The following DLGAP1 variants were observed in gnomAD, a reference collection of about 807,000 sequenced individuals.
The protein encoded by DLGAP1 is disks large-associated protein 1.
In DLGAP1, 11 loss-of-function variants were observed where a neutral mutation model predicts 90.8. The ratio of observed to expected loss-of-function variants is 0.12; its 90% confidence interval spans 0.08 to 0.20. The LOEUF (loss-of-function observed/expected upper bound fraction) is 0.20, where lower values mean the gene tolerates loss of function less well. Ranked by LOEUF, DLGAP1 falls within the 10% of genes least tolerant of loss-of-function variation. The probability of loss-of-function intolerance (pLI) is 1.00; values close to 1 mark genes in which losing one functional copy is unlikely to be tolerated. For synonymous variants in DLGAP1, 558 were observed against 540.7 expected, an observed-to-expected ratio of 1.03 and a Z score of -0.44; for missense variants, 1,050 against 1,333.8, an observed-to-expected ratio of 0.79 and a Z score of 3.31.
chr18:3,836,138 G>GATAC (rs2148598203), intron 4 of DLGAP1, among the ~76,000 whole-genome samples: 1 of 152,244 alleles, frequency 6.6e-6, no homozygotes, highest in African/African-American at 2.4e-5. Context: ...AAACTGGGTA[G>GATAC]GTATACAGGA....
At chr18:3,598,252 G>A (rs565811607) in intron 7 of DLGAP1, 1 of 152,354 alleles carries the variant, frequency 6.6e-6, no homozygotes, top group Non-Finnish European at 1.5e-5. Flanking sequence ...TCGGGAGGCT[G>A]AGGCAGGAGA....
At chr18:4,095,456 C>T (rs1027199332) in intron 2 of DLGAP1, among the ~76,000 whole-genome samples, 25 of 152,104 alleles carry the variant, frequency 1.6e-4, no homozygotes, top group African/African-American at 4.6e-4. Context: ...GGAAACAGGA[C>T]AAATTGTACT....
chr18:4,324,329 C>T (rs1349720280), intron 1 of DLGAP1, among the ~76,000 whole-genome samples: 1 of 150,522 alleles, frequency 6.6e-6, no homozygotes, highest in Non-Finnish European at 1.5e-5. Flanking sequence ...AAAATTGAAT[C>T]CTTGAATAGA....
chr18:3,909,059 A>G (rs1404781480), intron 3 of DLGAP1, among the ~76,000 whole-genome samples: 2 of 152,244 alleles, frequency 1.3e-5, no homozygotes, highest in Non-Finnish European at 2.9e-5. Flanking sequence ...ATCACAAGTT[A>G]GAAATGAACT....
At chr18:3,897,931 A>T (rs2071676587) in intron 3 of DLGAP1, among the ~76,000 whole-genome samples, 1 of 151,504 alleles carries the variant, frequency 6.6e-6, no homozygotes, top group Non-Finnish European at 1.5e-5. Context: ...AGTAGCTGGG[A>T]CTACAGGCGC....
chr18:3,871,497 A>G (rs1325753241), intron 4 of DLGAP1, among the ~76,000 whole-genome samples: 1 of 152,208 alleles, frequency 6.6e-6, no homozygotes, highest in Non-Finnish European at 1.5e-5. Context: ...GCAAGCGTAT[A>G]TTAAATTGTG....
chr18:3,625,713 C>T (rs759326726), intron 7 of DLGAP1, among the ~76,000 whole-genome samples: 1 of 151,730 alleles, frequency 6.6e-6, no homozygotes, highest in Non-Finnish European at 1.5e-5. Context: ...CATGTTAGTT[C>T]AGAAAGCATT....
chr18:4,376,762 G>A lies in DLGAP1; in HGVS notation c.-267+78244C>T, dbSNP rs142410815. Among the ~76,000 whole-genome samples, 52 of 152,236 alleles carry A rather than the reference G, an allele frequency of 3.4e-4. 1 individual carries two copies. The East Asian group carries it at 9.3e-3, about 27-fold the overall frequency. ...TTTCTCTCTGTAAATCCTCGGTAGA[G>A]GTGGAATTAATTTTATTTAACAGAT... is the stretch of plus-strand genomic sequence containing the variant. On this transcript the variant is annotated intron_variant, in intron 1 of 12. Transcript: ENST00000315677.
intron 10 of DLGAP1, among the ~76,000 whole-genome samples, chr18:3,510,221 A>C (rs989767678): frequency 2.0e-5 from 3 of 152,230 alleles, no homozygotes; most frequent in Admixed American, 6.5e-5. Flanking sequence ...ACAAGTCACT[A>C]TCTCTACTTT....
chr18:4,142,417 A>G (rs2076509931), intron 2 of DLGAP1, among the ~76,000 whole-genome samples: 1 of 152,190 alleles, frequency 6.6e-6, no homozygotes, highest in Admixed American at 6.5e-5. Flanking sequence ...ACATATCTAT[A>G]TCTGTCTGTA....
intron 7 of DLGAP1, among the ~76,000 whole-genome samples, chr18:3,624,177 C>T (rs920767158): frequency 6.6e-6 from 1 of 152,324 alleles, no homozygotes; most frequent in Admixed American, 6.5e-5. Flanking sequence ...GCCTGTCCAA[C>T]GGTTGGCCTG....
At chr18:3,822,399 G>GC (rs1003907088) in intron 4 of DLGAP1, among the ~76,000 whole-genome samples, 1 of 152,204 alleles carries the variant, frequency 6.6e-6, no homozygotes, top group African/African-American at 2.4e-5. Flanking sequence ...AGGGTACCCA[G>GC]CACCATAGCA....
At chr18:4,390,822 G>C (rs1029186857) in intron 1 of DLGAP1, among the ~76,000 whole-genome samples, 8 of 152,110 alleles carry the variant, frequency 5.3e-5, no homozygotes, top group African/African-American at 1.9e-4. Flanking sequence ...GGCAGTTCTA[G>C]AGGCCCCTGG....
chr18:4,408,539 C>T (rs1281308380), intron 1 of DLGAP1, among the ~76,000 whole-genome samples: 1 of 151,326 alleles, frequency 6.6e-6, no homozygotes, highest in African/African-American at 2.4e-5. Flanking sequence ...ATAAACATGA[C>T]GTTGGTATAA....
intron 7 of DLGAP1, among the ~76,000 whole-genome samples, chr18:3,633,354 G>A (rs2058589708): frequency 6.9e-6 from 1 of 145,668 alleles, no homozygotes; most frequent in African/African-American, 2.6e-5. Flanking sequence ...AGTGAGCTGA[G>A]ATCATGCCAC....
chr18:4,165,381 T>C (rs1249140802), intron 1 of DLGAP1, among the ~76,000 whole-genome samples: 1 of 152,152 alleles, frequency 6.6e-6, no homozygotes, highest in Non-Finnish European at 1.5e-5. Flanking sequence ...TCAGCAAAAC[T>C]GTCTTCAGGA....
At chr18:3,778,213 G>T (rs1469516084) in intron 5 of DLGAP1, among the ~76,000 whole-genome samples, 1 of 152,162 alleles carries the variant, frequency 6.6e-6, no homozygotes. Flanking sequence ...GGCAGAGGAG[G>T]GTGGATCACC....
At chr18:4,020,765 G>A (rs895579646) in intron 2 of DLGAP1, among the ~76,000 whole-genome samples, 2 of 152,136 alleles carry the variant, frequency 1.3e-5, no homozygotes, top group African/African-American at 4.8e-5. Context: ...GGCCTTTGTA[G>A]GACTAAGAAA....
intron 7 of DLGAP1, among the ~76,000 whole-genome samples, chr18:3,698,580 T>C (rs1033935046): frequency 1.3e-5 from 2 of 152,160 alleles, no homozygotes; most frequent in African/African-American, 4.8e-5. Flanking sequence ...GGCTTCCCTT[T>C]GTGGGTAACC....
Sources: gnomAD v4.1 joint callset for allele counts (sites outside exome capture counted in the v4.1 genomes callset) on GRCh38, gnomAD v4.1.1 for gene constraint, MANE v1.5 for transcripts, NCBI Gene and HGNC (gene_info 2026-07-23, HGNC 2026-07-21) for gene names.